SDHA: variants seen among roughly 807,000 people sequenced by gnomAD.
SDHA encodes succinate dehydrogenase complex flavoprotein subunit A.
SDHA carries 48 observed loss-of-function variants against 78.4 expected under a neutral mutation model. That is an observed-to-expected ratio of 0.61 (90% CI 0.49 to 0.78). The LOEUF (loss-of-function observed/expected upper bound fraction) is 0.78. Among genes scored for constraint, SDHA ranks in the 30% least tolerant of loss-of-function variants. SDHA has a pLI of 0.00. For synonymous variants in SDHA, 326 were observed against 353.9 expected (o/e 0.92, Z 0.88); for missense variants, 680 against 892.7 (o/e 0.76, Z 3.04).
downstream of SDHA, among the ~76,000 whole-genome samples, chr5:257,517 CCT>C (rs35624040): frequency 0.53 from 73,693 of 139,866 alleles, 25,457 homozygotes; most frequent in Non-Finnish European, 0.71. Context: ...AGCTCCGCCC[CCT>C]GTTGGAGCAT....
At chr5:266,202 G>T in the SDHA span, among the ~76,000 whole-genome samples, 3 of 152,258 alleles carry the variant, frequency 2.0e-5, no homozygotes, top group African/African-American at 7.2e-5. Flanking sequence ...ACCTCAGGCA[G>T]CTTCATCCCA....
intron 9 of SDHA, 116 bp from the exon 10 acceptor site, chr5:236,312 C>A: frequency 9.4e-7 from 1 of 1,059,134 alleles, no homozygotes. Flanking sequence ...GCGTGAGCCA[C>A]CACGCCTGGC....
At chr5:251,987 C>T (rs1419275456) in intron 13 of SDHA, 1 of 337,884 alleles carries the variant, frequency 3.0e-6, no homozygotes, top group Non-Finnish European at 5.6e-6. Flanking sequence ...TCAAGCCTGC[C>T]CTGTGGAGGA....
At chr5:231,559 CAAA>C (rs56152705) in intron 7 of SDHA, among the ~76,000 whole-genome samples, 179 of 99,160 alleles carry the variant, frequency 1.8e-3, no homozygotes, top group African/African-American at 4.5e-3. Context: ...GACTCCGTCT[CAAA>C]AAAAAAAAAA....
chr5:241,278 A>G (rs1350732616), intron 11 of SDHA, among the ~76,000 whole-genome samples: 1 of 152,174 alleles, frequency 6.6e-6, no homozygotes, highest in Non-Finnish European at 1.5e-5. Flanking sequence ...CTCAGTCCCC[A>G]GCAGGGCAGC....
chr5:236,342 C>T (rs1015171381), intron 9 of SDHA, 86 bp from the exon 10 acceptor site: 3 of 1,404,880 alleles, frequency 2.1e-6, no homozygotes, highest in Non-Finnish European at 3.0e-6. Flanking sequence ...TCTCTCTGAC[C>T]TGCAGCACAG....
rs199643897 is a variant in SDHA at position 255,454 on chromosome 5, T to TG, written c.1909-878dup. ...TTAATGTTTCCGGGTTCGGGTTTTT[T>TG]GGTTTTTTTTTGTTTTTCTGAGATA... On this transcript the variant is annotated intron_variant, in intron 14 of 14. Transcript: ENST00000264932. Among the ~76,000 whole-genome samples the TG allele has an allele frequency of 6.0e-3, 900 of 149,304 alleles. 10 individuals carry two copies. The highest frequency in any genetic ancestry group is 0.021 in the African/African-American group (849 of 41,178).
chr5:230,494 G>A (rs1008747465), intron 6 of SDHA, among the ~76,000 whole-genome samples: 22 of 152,094 alleles, frequency 1.4e-4, no homozygotes, highest in African/African-American at 5.1e-4. Flanking sequence ...GGGCGTGGTG[G>A]TGCACACTGT....
At chr5:225,803 A>C (rs568540447) in intron 4 of SDHA, 80 bp from the exon 5 acceptor site, 9 of 1,565,566 alleles carry the variant, frequency 5.7e-6, no homozygotes, top group Non-Finnish European at 7.9e-6. Context: ...TTTGTGTTAA[A>C]CTTGTTTAGT....
chr5:224,707 G>A (rs181390987), intron 3 of SDHA, 186 bp downstream of exon 3: 48 of 636,580 alleles, frequency 7.5e-5, no homozygotes, highest in African/African-American at 4.6e-4. Flanking sequence ...TTTGAAGGGC[G>A]GGAGACTTGT....
chr5:224,081 A>G (rs6555049), intron 2 of SDHA, among the ~76,000 whole-genome samples: 1 of 152,060 alleles, frequency 6.6e-6, no homozygotes, highest in African/African-American at 2.4e-5. Context: ...TCTCAGGCAT[A>G]AGCATAGGCA....
intron 1 of SDHA, among the ~76,000 whole-genome samples, chr5:221,670 A>T (rs896520302): frequency 6.6e-6 from 1 of 152,106 alleles, no homozygotes; most frequent in Non-Finnish European, 1.5e-5. Context: ...AGTTTCTCCT[A>T]AAAAAATTAA....
intron 11 of SDHA, among the ~76,000 whole-genome samples, chr5:242,456 G>T (rs965889675): frequency 6.6e-6 from 1 of 152,198 alleles, no homozygotes. Context: ...TTTGTTTCCC[G>T]TAAGGAATAC....
At chr5:258,033 TGG>T (rs1172258279), downstream of SDHA, among the ~76,000 whole-genome samples, 1 of 14,114 alleles carries the variant, frequency 7.1e-5, no homozygotes, top group South Asian at 3.9e-3. Context: ...AGAGCATTAC[TGG>T]GTGAGCTCCA....
chr5:228,089 A>G (rs1579390564), intron 5 of SDHA, 96 bp from the exon 6 acceptor site: 1 of 1,252,428 alleles, frequency 8.0e-7, no homozygotes, highest in Non-Finnish European at 1.2e-6. Context: ...GTCCATTTGG[A>G]TCAAGTTCTT....
chr5:242,747 T>A (rs1359355479), intron 11 of SDHA, among the ~76,000 whole-genome samples: 1 of 152,170 alleles, frequency 6.6e-6, no homozygotes, highest in African/African-American at 2.4e-5. Context: ...TGAGTACTCT[T>A]ACGCAGTCCC....
chr5:243,448 A>T (rs1048020205), intron 11 of SDHA, among the ~76,000 whole-genome samples: 1 of 152,152 alleles, frequency 6.6e-6, no homozygotes, highest in African/African-American at 2.4e-5. Context: ...ACCTCAAATT[A>T]ATATAACTGC....
intron 10 of SDHA, among the ~76,000 whole-genome samples, chr5:238,408 C>A (rs1735914743): frequency 6.6e-6 from 1 of 150,484 alleles, no homozygotes; most frequent in African/African-American, 2.4e-5. Context: ...CCCAAAACCC[C>A]CTGCAAAAAA....
rs3211483 is a variant in SDHA at position 256,355 on chromosome 5, G to A, written c.1930G>A (p.Val644Met). 29 of 1,613,400 alleles carry A rather than the reference G, an allele frequency of 1.8e-5. No homozygotes were observed. The African/African-American group carries it at 1.9e-4, about 10-fold the overall frequency. Residue 644 changes from valine to methionine, a missense_variant, in exon 15 of 15, where the codon GTG becomes ATG. Physicochemically the swap from Val to Met is conservative, Grantham distance 21. Transcript: ENST00000264932. ...CAAGGTCACTCTGGAATATAGACCC[G>A]TGATCGACAAAACTTTGAACGAGGC... ...TGKVTLEYRPVIDKTLNEADC... is the reference protein window; with the variant it reads ...TGKVTLEYRPMIDKTLNEADC...
Sources: gnomAD v4.1 joint callset for allele counts (sites outside exome capture counted in the v4.1 genomes callset) on GRCh38, gnomAD v4.1.1 for gene constraint, MANE v1.5 for transcripts, NCBI Gene and HGNC (gene_info 2026-07-23, HGNC 2026-07-21) for gene names.